Variants in ROBO2 observed in about 807,000 individuals in gnomAD.
ROBO2 encodes the protein roundabout guidance receptor 2, also known as roundabout homolog 2.
In ROBO2, 53 loss-of-function variants were observed where a neutral mutation model predicts 160.8. That is an observed-to-expected ratio of 0.33 (90% confidence interval 0.26 to 0.41). The LOEUF is 0.41. Among genes scored for constraint, ROBO2 ranks in the 10% least tolerant of loss-of-function variants. The probability of loss-of-function intolerance (pLI) is 1.00; values close to 1 mark genes in which losing one functional copy is unlikely to be tolerated. For synonymous variants in ROBO2, 664 were observed against 611.7 expected, an observed-to-expected ratio of 1.09 and a Z score of -1.26; for missense variants, 1,577 against 1,722.4, an observed-to-expected ratio of 0.92 and a Z score of 1.49.
intron 2 of ROBO2, among the ~76,000 whole-genome samples, chr3:77,293,264 G>A (rs2061546566): frequency 6.6e-6 from 1 of 151,502 alleles, no homozygotes. Context: ...GGTTATACAG[G>A]TAAGCTGAGG....
intron 2 of ROBO2, among the ~76,000 whole-genome samples, chr3:76,100,511 C>T (rs1412711753): frequency 1.3e-5 from 2 of 152,012 alleles, no homozygotes; most frequent in Admixed American, 6.6e-5. Context: ...GTAAATTTTA[C>T]TTAAAAAGTA....
chr3:76,412,920 C>G (rs1169730390), intron 2 of ROBO2, among the ~76,000 whole-genome samples: 1 of 152,214 alleles, frequency 6.6e-6, no homozygotes, highest in East Asian at 1.9e-4. Context: ...CCCACATTTC[C>G]CTTCCGCACT....
intron 6 of ROBO2, among the ~76,000 whole-genome samples, chr3:77,534,537 T>C (rs2091963356): frequency 6.6e-6 from 1 of 152,152 alleles, no homozygotes; most frequent in South Asian, 2.1e-4. Flanking sequence ...TCATGATACA[T>C]ATACTGTAAA....
intron 2 of ROBO2, among the ~76,000 whole-genome samples, chr3:75,994,073 A>G (rs1244041915): frequency 1.3e-5 from 2 of 152,088 alleles, no homozygotes; most frequent in Non-Finnish European, 2.9e-5. Context: ...CAAGCACAAA[A>G]CCAATGCAGG....
At chr3:77,425,599 GGATGGGGTGATC>G (rs1443156914) in intron 2 of ROBO2, among the ~76,000 whole-genome samples, 22 of 151,980 alleles carry the variant, frequency 1.4e-4, no homozygotes, top group Non-Finnish European at 2.2e-4. Context: ...GGTATGAGGA[GGATGGGGTGATC>G]AGGAATAGTC....
chr3:76,417,932 A>T (rs1034988448), intron 2 of ROBO2, among the ~76,000 whole-genome samples: 1 of 151,956 alleles, frequency 6.6e-6, no homozygotes. Flanking sequence ...GTTTTTTGCC[A>T]TTACTTTCAA....
At chr3:76,824,692 A>G (rs1386311749) in intron 2 of ROBO2, among the ~76,000 whole-genome samples, 1 of 152,104 alleles carries the variant, frequency 6.6e-6, no homozygotes, top group Non-Finnish European at 1.5e-5. Context: ...GATTTTACAC[A>G]CTAAGGGGTA....
chr3:76,260,948 G>C (rs1706706368), intron 2 of ROBO2, among the ~76,000 whole-genome samples: 1 of 151,912 alleles, frequency 6.6e-6, no homozygotes, highest in Admixed American at 6.6e-5. Flanking sequence ...TAGGATATAA[G>C]GAAATATTGA....
At chr3:76,555,300 G>C (rs1288760331) in intron 2 of ROBO2, among the ~76,000 whole-genome samples, 1 of 149,986 alleles carries the variant, frequency 6.7e-6, no homozygotes, top group Non-Finnish European at 1.5e-5. Flanking sequence ...GATTCATGAA[G>C]AGGTACCCAG....
intron 2 of ROBO2, among the ~76,000 whole-genome samples, chr3:76,512,529 A>C (rs1381275940): frequency 2.0e-5 from 3 of 151,980 alleles, no homozygotes; most frequent in Non-Finnish European, 4.4e-5. Context: ...TTAGCTGTGA[A>C]TAAGTATAAG....
intron 5 of ROBO2, 110 bp downstream of exon 5, chr3:77,493,492 C>A (rs1295189935): frequency 2.7e-5 from 33 of 1,221,124 alleles, no homozygotes; most frequent in Non-Finnish European, 3.6e-5. Context: ...GGGGTACTTT[C>A]ACTCATGTGA....
At chr3:77,014,269 C>T (rs1313794375) in intron 2 of ROBO2, among the ~76,000 whole-genome samples, 7 of 152,182 alleles carry the variant, frequency 4.6e-5, no homozygotes, top group Admixed American at 6.5e-5. Flanking sequence ...TCCCACACTA[C>T]GACCTAATGG....
intron 2 of ROBO2, among the ~76,000 whole-genome samples, chr3:76,524,826 TAAAAAAAAAAAAAA>T (rs58091252): frequency 2.0e-3 from 43 of 21,736 alleles, no homozygotes; most frequent in Admixed American, 7.3e-3. Context: ...CTCTTATTCC[TAAAAAAAAAAAAAA>T]AAAAAAAAAA....
chr3:76,195,837 G>A (rs1169198141), intron 2 of ROBO2, among the ~76,000 whole-genome samples: 1 of 152,188 alleles, frequency 6.6e-6, no homozygotes, highest in African/African-American at 2.4e-5. Flanking sequence ...AATGGATGCA[G>A]CAATTCAAGT....
chr3:76,255,605 A>T (rs1299125664), intron 2 of ROBO2, among the ~76,000 whole-genome samples: 1 of 152,138 alleles, frequency 6.6e-6, no homozygotes, highest in Non-Finnish European at 1.5e-5. Flanking sequence ...GCAAAAAAAA[A>T]ATTTGAGTAT....
chr3:76,218,988 G>A (rs557321023), intron 2 of ROBO2, among the ~76,000 whole-genome samples: 1 of 152,298 alleles, frequency 6.6e-6, no homozygotes, highest in Non-Finnish European at 1.5e-5. Flanking sequence ...GAACAGAACA[G>A]AGCCCTCAGA....
At chr3:76,049,401 ATATTTTTTTT>A (rs2067573868) in intron 2 of ROBO2, among the ~76,000 whole-genome samples, 1 of 63,738 alleles carries the variant, frequency 1.6e-5, no homozygotes, top group African/African-American at 1.1e-4. Context: ...ATATATATAT[ATATTTTTTTT>A]TTTTTTTTTT....
At chr3:77,410,524 C>CTT (rs1474931759) in intron 2 of ROBO2, among the ~76,000 whole-genome samples, 6 of 149,468 alleles carry the variant, frequency 4.0e-5, no homozygotes, top group Admixed American at 2.7e-4. Flanking sequence ...TCCTCCTCCT[C>CTT]CTCTTCCTCC....
intron 1 of ROBO2, among the ~76,000 whole-genome samples, chr3:77,074,772 T>G (rs2067781423): frequency 6.6e-6 from 1 of 151,860 alleles, no homozygotes; most frequent in Non-Finnish European, 1.5e-5. Flanking sequence ...ATGAAATCCT[T>G]TGAAGAAATA....
Sources: gnomAD v4.1 joint callset for allele counts (sites outside exome capture counted in the v4.1 genomes callset) on GRCh38, gnomAD v4.1.1 for gene constraint, MANE v1.5 for transcripts, NCBI Gene and HGNC (gene_info 2026-07-23, HGNC 2026-07-21) for gene names.